The following TOPAZ1 variants were observed in gnomAD, a reference collection of about 807,000 sequenced individuals.
TOPAZ1 encodes protein TOPAZ1.
A neutral mutation model predicts 172.2 loss-of-function variants in TOPAZ1; 66 were observed. That is an observed-to-expected ratio of 0.38 (90% CI 0.31 to 0.47). The LOEUF is 0.47. Among genes scored for constraint, TOPAZ1 ranks in the 20% least tolerant of loss-of-function variants. The pLI is 0.99. For synonymous variants in TOPAZ1, 681 were observed against 683.9 expected (o/e 1.00, Z 0.07); for missense variants, 1,822 against 1,972.4 (o/e 0.92, Z 1.44).
intron 12 of TOPAZ1, among the ~76,000 whole-genome samples, chr3:44,300,519 C>G (rs1700260079): frequency 6.6e-6 from 1 of 152,100 alleles, no homozygotes; most frequent in Non-Finnish European, 1.5e-5. Flanking sequence ...AAAATAAGTT[C>G]AACATTGTTA....
chr3:44,307,573 A>C (rs1230099983), intron 15 of TOPAZ1, among the ~76,000 whole-genome samples: 1 of 152,078 alleles, frequency 6.6e-6, no homozygotes, highest in Non-Finnish European at 1.5e-5. Flanking sequence ...CAAAATAGGG[A>C]GGAAGTGCTG....
At chr3:44,278,796 T>C (rs1377796373) in intron 8 of TOPAZ1, among the ~76,000 whole-genome samples, 2 of 151,848 alleles carry the variant, frequency 1.3e-5, no homozygotes, top group African/African-American at 2.4e-5. Context: ...AACTTTTCAT[T>C]GTGTTGATCC....
Position 44,319,668 on chromosome 3 carries a change from A to G in TOPAZ1, c.4307-1359A>G, listed in dbSNP as rs192574893. Among the ~76,000 whole-genome samples, 548 of 152,310 alleles carry G rather than the reference A, an allele frequency of 3.6e-3. 1 individual carries two copies. Among genetic ancestry groups the G allele is most frequent in the Non-Finnish European group, 5.3e-3 (363 of 68,010 alleles). On this transcript the variant is annotated intron_variant, in intron 16 of 19. Coordinates refer to ENST00000309765, the MANE Select transcript of TOPAZ1 (RefSeq NM_001145030.2). ...CAGCAAATGTAGAAGCAAATTAATG[A>G]AAGTATCTGTCTAAATGAGTTAATA...
intron 1 of TOPAZ1, 119 bp from the exon 2 acceptor site, chr3:44,242,734 T>TTACA: frequency 1.2e-6 from 1 of 801,552 alleles, no homozygotes. Flanking sequence ...AAATGTGTAT[T>TTACA]TACATACAGC....
chr3:44,257,383 G>GTGTGTGTGTGTT (rs1699721608), intron 4 of TOPAZ1, among the ~76,000 whole-genome samples: 3 of 136,662 alleles, frequency 2.2e-5, no homozygotes, highest in African/African-American at 8.6e-5. Flanking sequence ...GTGTGTGTGT[G>GTGTGTGTGTGTT]TGTGTGTGTG....
intron 4 of TOPAZ1, among the ~76,000 whole-genome samples, chr3:44,261,994 A>G (rs757795220): frequency 2.6e-5 from 4 of 152,196 alleles, no homozygotes; most frequent in Non-Finnish European, 5.9e-5. Context: ...CAAAACAGCT[A>G]CTTGTGAAAT....
chr3:44,306,673 C>G (rs576688966), intron 15 of TOPAZ1, among the ~76,000 whole-genome samples: 4 of 152,112 alleles, frequency 2.6e-5, no homozygotes, highest in African/African-American at 9.6e-5. Flanking sequence ...GAGTTCGAGG[C>G]CAGCCTGGGC....
In TOPAZ1 at chr3:44,267,248, A is replaced by G. The variant is rs74887729; in HGVS notation, c.3160+112A>G. ...AAAAAAGAAAAATGGAATCATGTAG[A>G]ATATGTTAAAATTAGAAGGTTTGTG... On this transcript the variant is annotated intron_variant, in intron 6 of 19. Coordinates refer to ENST00000309765, the MANE Select transcript of TOPAZ1 (RefSeq NM_001145030.2). The G allele has an allele frequency of 1.5e-4, 125 of 860,908 alleles. 3 individuals are homozygous for G. The East Asian group carries it at 2.7e-3, about 19-fold the overall frequency. 53.3% of individuals were successfully genotyped at this position (860,908 alleles called of 1,614,324 possible).
At chr3:44,242,470 T>C (rs1334553740) in intron 1 of TOPAZ1, 71 bp downstream of exon 1, 4 of 1,443,868 alleles carry the variant, frequency 2.8e-6, no homozygotes, top group Non-Finnish European at 3.8e-6. Flanking sequence ...GTTTTACCAC[T>C]AGTCTTTAAC....
rs75260356 is a variant in TOPAZ1, at chr3:44,265,134, A to C, written c.3021-1863A>C. 1.4e-4 allele frequency among the ~76,000 whole-genome samples: 21 copies of C among 152,228 alleles called. 1 individual carries two copies. The East Asian group carries it at 2.7e-3, about 20-fold the overall frequency. ...CCTAGGTTTTCAATTTACTTTGTCA[A>C]GATCCATCAGAGAAATCACTATCCA... On this transcript the variant is annotated intron_variant, in intron 5 of 19. Coordinates refer to ENST00000309765, the MANE Select transcript of TOPAZ1 (RefSeq NM_001145030.2).
intron 8 of TOPAZ1, among the ~76,000 whole-genome samples, chr3:44,275,820 G>A (rs1699947542): frequency 6.6e-6 from 1 of 152,036 alleles, no homozygotes; most frequent in African/African-American, 2.4e-5. Context: ...CCCACCAACA[G>A]TGTATAAAAG....
chr3:44,303,245 A>G (rs1700295975), intron 12 of TOPAZ1, among the ~76,000 whole-genome samples: 1 of 152,126 alleles, frequency 6.6e-6, no homozygotes, highest in Non-Finnish European at 1.5e-5. Context: ...AATGCTCTAG[A>G]TGAATTACCA....
chr3:44,245,764 C>T (rs1343215387), intron 2 of TOPAZ1, among the ~76,000 whole-genome samples: 2 of 152,102 alleles, frequency 1.3e-5, no homozygotes, highest in Non-Finnish European at 2.9e-5. Flanking sequence ...TGGTCTTGAT[C>T]TCCTGACCTC....
rs1195737321 is a variant in TOPAZ1, at chr3:44,281,859, TG to T, written c.3373-108del. ...CATCAGCTTCTTTATTCCAATCCTT[TG>T]AGATCATTTAAAAATTTCAATATAA... On this transcript the variant is annotated intron_variant, in intron 8 of 19. Coordinates refer to ENST00000309765, the MANE Select transcript of TOPAZ1 (RefSeq NM_001145030.2). 4 of 637,512 alleles carry T rather than the reference TG, an allele frequency of 6.3e-6. No homozygotes were observed. In the African/African-American group the frequency reaches 7.5e-5, roughly 12 times the overall value. The allele number at this position is 637,512 out of a possible 1,614,324, so 39.5% of individuals were successfully genotyped here. A position where few individuals can be genotyped will look rare whatever the true frequency, so the allele number is the denominator to read the frequency against.
intron 8 of TOPAZ1, among the ~76,000 whole-genome samples, chr3:44,275,499 G>A (rs1198654967): frequency 1.3e-5 from 2 of 151,944 alleles, no homozygotes; most frequent in African/African-American, 2.4e-5. Flanking sequence ...CTGACCTCCA[G>A]TTCATCCATA....
At chr3:44,269,152 C>A in intron 6 of TOPAZ1, 64 bp from the exon 7 acceptor site, 1 of 898,272 alleles carries the variant, frequency 1.1e-6, no homozygotes, top group Non-Finnish European at 1.8e-6. Context: ...TCATCTATTT[C>A]ATTGTTATGA....
downstream of TOPAZ1, among the ~76,000 whole-genome samples, chr3:44,334,332 C>A (rs1169577898): frequency 6.6e-6 from 1 of 152,106 alleles, no homozygotes; most frequent in Non-Finnish European, 1.5e-5. Context: ...AAAGGGGAAA[C>A]GGCACAGTGA....
At chr3:44,279,440 T>C (rs1416325030) in intron 8 of TOPAZ1, among the ~76,000 whole-genome samples, 1 of 152,222 alleles carries the variant, frequency 6.6e-6, no homozygotes, top group Admixed American at 6.5e-5. Context: ...TATTATTGTA[T>C]TGGAGTCTGT....
At chr3:44,330,811 C>T (rs1575221975) in intron 19 of TOPAZ1, among the ~76,000 whole-genome samples, 1 of 152,210 alleles carries the variant, frequency 6.6e-6, no homozygotes, top group African/African-American at 2.4e-5. Flanking sequence ...GAGGAAAAAA[C>T]TGACATACCG....
Sources: allele counts gnomAD v4.1 joint callset (sites outside exome capture counted in the v4.1 genomes callset), GRCh38; gene constraint gnomAD v4.1.1; transcripts MANE v1.5; gene names NCBI Gene and HGNC (gene_info 2026-07-23, HGNC 2026-07-21).